The following ASIC2 variants were observed in gnomAD, a reference collection of about 807,000 sequenced individuals.
ASIC2 encodes acid-sensing ion channel 2.
In ASIC2, 25 loss-of-function variants were observed where a neutral mutation model predicts 57.3. The observed-to-expected ratio is 0.44, with a 90% confidence interval of 0.32 to 0.61. ASIC2 has a LOEUF of 0.61. Among genes scored for constraint, ASIC2 ranks in the 20% least tolerant of loss-of-function variants. ASIC2 has a pLI of 0.06. For synonymous variants in ASIC2, 319 were observed against 307.5 expected (o/e 1.04, Z -0.39); for missense variants, 641 against 738.1 (o/e 0.87, Z 1.52).
At position 33,953,375 on chromosome 17, in the gene ASIC2, A is replaced by G. The variant is rs1368466508; in HGVS notation, c.555+202603T>C. 3.3e-5 allele frequency among the ~76,000 whole-genome samples: 5 copies of G among 152,292 alleles called. No homozygotes were observed. The East Asian group carries it at 5.8e-4, about 18-fold the overall frequency. On this transcript the variant is annotated intron_variant, in intron 1 of 9. Transcript: ENST00000359872. ...ACTTAAATCAATCCAATAGATTTTC[A>G]TTGAGTGTGTAATATGTACCTAATA... is the stretch of plus-strand genomic sequence containing the variant.
Position 33,291,922 on chromosome 17 carries a change from T to G in ASIC2, c.194A>C (p.Lys65Thr), listed in dbSNP as rs1320117256. 6.3e-7 allele frequency: 1 copy of G among 1,580,682 alleles called. No homozygotes were observed. The highest frequency in any genetic ancestry group is 8.5e-7 in the Non-Finnish European group (1 of 1,170,144). ...ACACATGTGCCGCAGCCCGTGCAGT[T>G]TAGCGCGGCTCAGCGATGGCCGCCC... ...RRGRPSLSRA[K>T]LHGLRHMCAG... The change falls in exon 1 of 10, where the codon AAA (lysine) becomes ACA (threonine). Residue 65 changes from lysine to threonine, a missense_variant. Lys to Thr is a moderately conservative substitution (Grantham distance 78, BLOSUM62 -1). Around this residue, in one of 3 missense-constraint regions of ASIC2, gnomAD observed 382 missense variants for 398.0 expected, o/e 0.96. Transcript: ENST00000225823.
intron 1 of ASIC2, among the ~76,000 whole-genome samples, chr17:33,267,240 C>G (rs927230715): frequency 2.0e-5 from 3 of 152,162 alleles, no homozygotes; most frequent in Admixed American, 6.5e-5. Flanking sequence ...CTTACCCCCC[C>G]CAGGAAGCAA....
At chr17:33,403,066 G>T (rs1484863921) in intron 1 of ASIC2, among the ~76,000 whole-genome samples, 1 of 152,172 alleles carries the variant, frequency 6.6e-6, no homozygotes, top group Non-Finnish European at 1.5e-5. Context: ...CTAATAATCA[G>T]ATTCTTTAGA....
intron 1 of ASIC2, among the ~76,000 whole-genome samples, chr17:33,805,051 A>T (rs963672215): frequency 3.3e-5 from 5 of 152,138 alleles, no homozygotes; most frequent in African/African-American, 1.2e-4. Context: ...AGCAGTTGCC[A>T]TTATGTTCCA....
At chr17:33,354,606 G>C (rs1024674207) in intron 1 of ASIC2, among the ~76,000 whole-genome samples, 9 of 151,930 alleles carry the variant, frequency 5.9e-5, no homozygotes, top group African/African-American at 1.9e-4. Context: ...TGTGCTCTGG[G>C]TTCCTTCCCA....
At chr17:33,931,458 C>T (rs1484917225) in intron 1 of ASIC2, 2 of 152,206 alleles carry the variant, frequency 1.3e-5, no homozygotes, top group African/African-American at 2.4e-5. Context: ...TGTCTGACTA[C>T]TGATTTCACT....
At chr17:34,017,783 A>C (rs561265242) in intron 1 of ASIC2, among the ~76,000 whole-genome samples, 2 of 152,358 alleles carry the variant, frequency 1.3e-5, no homozygotes, top group Non-Finnish European at 2.9e-5. Flanking sequence ...CAGTTCTATG[A>C]CATCTGAGAG....
intron 1 of ASIC2, among the ~76,000 whole-genome samples, chr17:33,128,256 TC>T (rs1193554295): frequency 6.6e-6 from 1 of 152,146 alleles, no homozygotes; most frequent in African/African-American, 2.4e-5. Context: ...ACTTCAAATC[TC>T]AGCTGGCTCT....
At chr17:33,548,140 CA>C (rs1460678529) in intron 1 of ASIC2, among the ~76,000 whole-genome samples, 1 of 152,176 alleles carries the variant, frequency 6.6e-6, no homozygotes, top group Non-Finnish European at 1.5e-5. Flanking sequence ...AAGCTCAAAG[CA>C]GGATTCATGC....
intron 1 of ASIC2, among the ~76,000 whole-genome samples, chr17:34,009,974 T>C (rs1477308205): frequency 6.6e-6 from 1 of 152,160 alleles, no homozygotes; most frequent in South Asian, 2.1e-4. Flanking sequence ...CCAAATGAGA[T>C]GACAAAATGA....
At chr17:33,579,728 G>C (rs116671771) in intron 1 of ASIC2, among the ~76,000 whole-genome samples, 6 of 152,168 alleles carry the variant, frequency 3.9e-5, no homozygotes, top group Non-Finnish European at 5.9e-5. Context: ...GTTAAAAGTA[G>C]TGCGGACCCA....
chr17:33,125,310 C>T (rs2092319055), intron 1 of ASIC2, among the ~76,000 whole-genome samples: 1 of 152,180 alleles, frequency 6.6e-6, no homozygotes, highest in Non-Finnish European at 1.5e-5. Context: ...GCTTTGGAAT[C>T]AAAGCATGAG....
intron 1 of ASIC2, among the ~76,000 whole-genome samples, chr17:33,351,619 T>C (rs2142249210): frequency 6.6e-6 from 1 of 152,292 alleles, no homozygotes; most frequent in South Asian, 2.1e-4. Flanking sequence ...AGGTCTCATG[T>C]TTTCCTACCT....
chr17:33,567,412 A>G (rs561706105), intron 1 of ASIC2, among the ~76,000 whole-genome samples: 73 of 152,230 alleles, frequency 4.8e-4, no homozygotes, highest in Non-Finnish European at 9.3e-4. Flanking sequence ...GGGCCACTGC[A>G]AAGAATGTGA....
At chr17:33,634,286 C>A (rs80190813) in intron 1 of ASIC2, among the ~76,000 whole-genome samples, 23 of 152,272 alleles carry the variant, frequency 1.5e-4, no homozygotes, top group Middle Eastern at 3.4e-3. Context: ...CAACCTCCCC[C>A]CTTCAGGTCT....
intron 1 of ASIC2, among the ~76,000 whole-genome samples, chr17:33,364,912 C>T (rs950338550): frequency 6.6e-6 from 1 of 152,202 alleles, no homozygotes; most frequent in African/African-American, 2.4e-5. Flanking sequence ...TCCAGTCCAA[C>T]TCCGCAGTCA....
At chr17:33,037,160 A>G (rs1370152203) in intron 3 of ASIC2, among the ~76,000 whole-genome samples, 1 of 143,392 alleles carries the variant, frequency 7.0e-6, no homozygotes, top group Non-Finnish European at 1.5e-5. Flanking sequence ...AATTGGTTGG[A>G]TCCCCTACAT....
intron 1 of ASIC2, among the ~76,000 whole-genome samples, chr17:33,273,981 G>T (rs1297291209): frequency 6.6e-6 from 1 of 152,172 alleles, no homozygotes; most frequent in Non-Finnish European, 1.5e-5. Context: ...GAAGGCAATG[G>T]GTGGTACTTA....
chr17:33,768,685 G>T (rs569864576), intron 1 of ASIC2, among the ~76,000 whole-genome samples: 14 of 152,186 alleles, frequency 9.2e-5, no homozygotes, highest in African/African-American at 3.1e-4. Context: ...ATTCCTATTC[G>T]CCTGATCTCT....
Sources: gnomAD v4.1 joint callset for allele counts (sites outside exome capture counted in the v4.1 genomes callset) on GRCh38, gnomAD v4.1.1 for gene constraint, gnomAD v4.1.1 regional missense constraint, MANE v1.5 for transcripts, NCBI Gene and HGNC (gene_info 2026-07-23, HGNC 2026-07-21) for gene names.